Variants in ARHGEF28 observed in about 807,000 individuals in gnomAD.
ARHGEF28 encodes the protein 190 kDa guanine nucleotide exchange factor.
Under a neutral mutation model 206.6 loss-of-function variants are expected in ARHGEF28, and 152 were observed. That is an observed-to-expected ratio of 0.74 (90% CI 0.64 to 0.84). The LOEUF is 0.84. Ranked by LOEUF, ARHGEF28 falls within the 40% of genes least tolerant of loss-of-function variation. ARHGEF28 has a pLI of 0.00. For synonymous variants in ARHGEF28, 763 were observed against 776.4 expected (o/e 0.98, Z 0.29); for missense variants, 2,028 against 2,073.2 (o/e 0.98, Z 0.42).
intron 2 of ARHGEF28, among the ~76,000 whole-genome samples, chr5:73,732,942 G>A (rs1750702749): frequency 6.6e-6 from 1 of 152,174 alleles, no homozygotes. Context: ...AGGGAAATTT[G>A]AGAGGAAATA....
At chr5:73,787,680 C>T (rs1472682245) in intron 7 of ARHGEF28, among the ~76,000 whole-genome samples, 1 of 152,136 alleles carries the variant, frequency 6.6e-6, no homozygotes, top group Admixed American at 6.5e-5. Context: ...TTTCCAGCTT[C>T]ATCCATGTCC....
intron 2 of ARHGEF28, among the ~76,000 whole-genome samples, chr5:73,717,879 T>A (rs1039936016): frequency 1.3e-5 from 2 of 152,134 alleles, no homozygotes; most frequent in Admixed American, 6.5e-5. Flanking sequence ...GAATTTGTCT[T>A]TTTTTGTGTG....
intron 1 of ARHGEF28, among the ~76,000 whole-genome samples, chr5:73,635,300 C>T (rs889699873): frequency 1.3e-5 from 2 of 152,002 alleles, no homozygotes; most frequent in African/African-American, 2.4e-5. Flanking sequence ...GCCGAGATCG[C>T]GTCATTGCAC....
At chr5:73,827,059 C>CT (rs1208989703) in intron 9 of ARHGEF28, among the ~76,000 whole-genome samples, 1 of 152,188 alleles carries the variant, frequency 6.6e-6, no homozygotes. Context: ...CTCTGATTGT[C>CT]TAACTTTATC....
chr5:73,634,071 A>C (rs902484985), intron 1 of ARHGEF28, among the ~76,000 whole-genome samples: 1 of 151,864 alleles, frequency 6.6e-6, no homozygotes, highest in Admixed American at 6.6e-5. Flanking sequence ...ATTTTTTCCT[A>C]GTCTTTTAGA....
intron 35 of ARHGEF28, among the ~76,000 whole-genome samples, chr5:73,936,725 T>A (rs568094960): frequency 6.6e-6 from 1 of 152,206 alleles, no homozygotes; most frequent in Non-Finnish European, 1.5e-5. Flanking sequence ...CATTTTATTA[T>A]TTTTACTTTT....
At chr5:73,870,611 T>A (rs1280770141) in intron 21 of ARHGEF28, among the ~76,000 whole-genome samples, 4 of 152,214 alleles carry the variant, frequency 2.6e-5, no homozygotes, top group Non-Finnish European at 5.9e-5. Context: ...TGTAGGGCTA[T>A]TGCATATGGC....
At chr5:73,884,067 G>A (rs1175085905) in intron 24 of ARHGEF28, among the ~76,000 whole-genome samples, 183 bp downstream of exon 24, 1 of 152,052 alleles carries the variant, frequency 6.6e-6, no homozygotes, top group African/African-American at 2.4e-5. Context: ...ATGCAGCATG[G>A]GTAAATAGTC....
intron 25 of ARHGEF28, among the ~76,000 whole-genome samples, chr5:73,886,342 G>C (rs916574769): frequency 2.6e-5 from 4 of 152,208 alleles, no homozygotes; most frequent in Non-Finnish European, 2.9e-5. Context: ...TTGCAAGTTT[G>C]TGATGTCTGA....
chr5:73,866,320 A>G (rs1025954225), intron 18 of ARHGEF28, among the ~76,000 whole-genome samples: 1 of 152,246 alleles, frequency 6.6e-6, no homozygotes, highest in Non-Finnish European at 1.5e-5. Context: ...CTGCTGATGT[A>G]TTAATAATCC....
chr5:73,870,878 A>G (rs1760064626), intron 21 of ARHGEF28, among the ~76,000 whole-genome samples: 1 of 152,152 alleles, frequency 6.6e-6, no homozygotes, highest in Non-Finnish European at 1.5e-5. Flanking sequence ...TTCCAAAGAT[A>G]CCCTACTTTA....
At chr5:73,741,411 A>G (rs1186408469) in intron 2 of ARHGEF28, among the ~76,000 whole-genome samples, 223 of 34,644 alleles carry the variant, frequency 6.4e-3, no homozygotes, top group South Asian at 0.015. Context: ...ATATATATAT[A>G]TATATATATA....
rs1761677553 is a variant in ARHGEF28, at chr5:73,892,090, T to G, written c.3426T>G (p.Ile1142Met). 2 of 1,601,212 alleles carry G rather than the reference T, an allele frequency of 1.2e-6. No individual in the cohort carries two copies. Among genetic ancestry groups the G allele is most frequent in the African/African-American group, 2.7e-5 (2 of 74,836 alleles). The change falls in exon 27 of 36, where the codon ATT becomes ATG. Residue 1142 changes from isoleucine to methionine, a missense_variant. By Grantham distance (10) the Ile-to-Met change is conservative. This residue lies in a region of ARHGEF28 where 803 missense variants were observed against 768.0 expected (regional missense o/e 1.05). Transcript: ENST00000513042. Reference sequence around the variant, plus strand: ...CAGTTATTTCCCTTCAAAAGCTTATTGCTAGAGAAGTTGCTAATGAGGAGA... The same window carrying G: ...CAGTTATTTCCCTTCAAAAGCTTATGGCTAGAGAAGTTGCTAATGAGGAGA... Reference protein sequence around the residue: ...KPSVISLQKLIAREVANEERG... With the variant: ...KPSVISLQKLMAREVANEERG...
rs1420825704 is a variant in ARHGEF28 at position 73,941,070 on chromosome 5, T to G, written c.*57T>G. 7.1e-7 allele frequency: 1 copy of G among 1,406,286 alleles called. No homozygotes were observed. The allele number at this position is 1,406,286 out of a possible 1,614,324, so 87.1% of individuals were successfully genotyped here. ...CACTGGCACTTTTGGGAGAAACTTT[T>G]TGTCTCCATTCCTTATGTATGTGTG... On this transcript the variant is annotated 3_prime_UTR_variant, in exon 36 of 36. Transcript: ENST00000513042.
intron 2 of ARHGEF28, among the ~76,000 whole-genome samples, chr5:73,732,515 T>C (rs1750680930): frequency 6.6e-6 from 1 of 152,248 alleles, no homozygotes; most frequent in African/African-American, 2.4e-5. Flanking sequence ...GTTTTGGCAA[T>C]TCTGAATAGA....
At position 73,708,516 on chromosome 5, in the gene ARHGEF28, C is replaced by T. The variant is rs1580510597; in HGVS notation, c.33+23632C>T. On this transcript the variant is annotated intron_variant, in intron 2 of 35. Coordinates refer to ENST00000513042, the MANE Select transcript of ARHGEF28 (RefSeq NM_001177693.2). Reference sequence around the variant, plus strand: ...AATGACCCCCAGCTGCATCCATGGCCCTACAAAGGACATGATTTGATTTCA... The same window carrying T: ...AATGACCCCCAGCTGCATCCATGGCTCTACAAAGGACATGATTTGATTTCA... 2.0e-5 allele frequency among the ~76,000 whole-genome samples: 3 copies of T among 152,032 alleles called. 1 individual carries two copies. The South Asian group carries it at 6.2e-4, about 32-fold the overall frequency.
At chr5:73,721,930 A>G (rs1048804303) in intron 2 of ARHGEF28, among the ~76,000 whole-genome samples, 2 of 152,216 alleles carry the variant, frequency 1.3e-5, no homozygotes, top group Admixed American at 1.3e-4. Context: ...TAAAGGGCTC[A>G]GCAGCAGTTT....
At chr5:73,917,168 G>A (rs547835685) in intron 35 of ARHGEF28, among the ~76,000 whole-genome samples, 63 of 152,168 alleles carry the variant, frequency 4.1e-4, no homozygotes, top group African/African-American at 1.4e-3. Context: ...CCTTTATTTG[G>A]GATTGATTAA....
intron 9 of ARHGEF28, among the ~76,000 whole-genome samples, chr5:73,820,413 T>C (rs1055061166): frequency 6.8e-6 from 1 of 147,804 alleles, no homozygotes; most frequent in Admixed American, 6.7e-5. Flanking sequence ...GGATGGAAAG[T>C]CCCAATCCTT....
Sources: allele counts gnomAD v4.1 joint callset (sites outside exome capture counted in the v4.1 genomes callset), GRCh38; gene constraint gnomAD v4.1.1; regional missense constraint gnomAD v4.1.1; transcripts MANE v1.5; gene names NCBI Gene and HGNC (gene_info 2026-07-23, HGNC 2026-07-21).